GPBP1L1: variants seen among roughly 807,000 people sequenced by gnomAD.
GPBP1L1 encodes vasculin-like protein 1.
In GPBP1L1, 23 loss-of-function variants were observed where a neutral mutation model predicts 52.5. That is an observed-to-expected ratio of 0.44 (90% CI 0.32 to 0.62). The LOEUF is 0.62. Ranked by LOEUF, GPBP1L1 falls within the 20% of genes least tolerant of loss-of-function variation. The probability of loss-of-function intolerance (pLI) is 0.06; values close to 1 mark genes in which losing one functional copy is unlikely to be tolerated. For missense variants in GPBP1L1, 596 were observed against 579.3 expected, an observed-to-expected ratio of 1.03 and a Z score of -0.30; for synonymous variants, 243 against 203.1, an observed-to-expected ratio of 1.20 and a Z score of -1.67.
Position 45,634,140 on chromosome 1 carries a change from G to T in GPBP1L1, c.841C>A (p.Pro281Thr), listed in dbSNP as rs1222434571. 3 of 1,613,898 alleles carry T rather than the reference G, an allele frequency of 1.9e-6. No homozygotes were observed. Among genetic ancestry groups the T allele is most frequent in the Non-Finnish European group, 1.7e-6 (2 of 1,179,892 alleles). ...AFTSPISVTK[P>T]VVLASGAALS... Reference sequence around the variant, plus strand: ...GCTGCACCACTAGCCAGTACCACTGGTTTGGTAACAGAGATTGGACTGGTA... The same window carrying T: ...GCTGCACCACTAGCCAGTACCACTGTTTTGGTAACAGAGATTGGACTGGTA... The change falls in exon 9 of 13, where the codon CCA becomes ACA. Residue 281 changes from proline (P) to threonine (T), a missense_variant. Pro to Thr is a conservative substitution (Grantham distance 38, BLOSUM62 -1). Coordinates refer to ENST00000355105, the MANE Select transcript of GPBP1L1 (RefSeq NM_021639.5).
At chr1:45,649,075 G>A (rs2148458776) in intron 6 of GPBP1L1, among the ~76,000 whole-genome samples, 1 of 152,286 alleles carries the variant, frequency 6.6e-6, no homozygotes, top group Non-Finnish European at 1.5e-5. Context: ...GCGACCTGCT[G>A]CATGAGATCA....
intron 2 of GPBP1L1, among the ~76,000 whole-genome samples, chr1:45,682,195 A>C (rs1645219686): frequency 6.6e-6 from 1 of 152,234 alleles, no homozygotes; most frequent in Admixed American, 6.5e-5. Context: ...AAACAGCCCC[A>C]AAACCAACTT....
At chr1:45,645,128 T>C (rs1385406511) in intron 6 of GPBP1L1, among the ~76,000 whole-genome samples, 2 of 152,234 alleles carry the variant, frequency 1.3e-5, no homozygotes, top group Non-Finnish European at 2.9e-5. Flanking sequence ...TTTACTTCTT[T>C]GTTATCTAGT....
intron 12 of GPBP1L1, 146 bp downstream of exon 12, chr1:45,629,430 C>A: frequency 1.7e-6 from 1 of 579,338 alleles, no homozygotes; most frequent in Non-Finnish European, 3.1e-6. Flanking sequence ...ATTTAGGGGC[C>A]CCACTACATT....
intron 2 of GPBP1L1, among the ~76,000 whole-genome samples, chr1:45,682,713 C>T (rs1159977340): frequency 2.6e-5 from 4 of 152,148 alleles, no homozygotes; most frequent in Non-Finnish European, 5.9e-5. Context: ...ATAATAGGCT[C>T]TTTTAAATGT....
intron 7 of GPBP1L1, 132 bp from the exon 8 acceptor site, chr1:45,640,535 T>C (rs1197129659): frequency 1.4e-6 from 1 of 711,098 alleles, no homozygotes; most frequent in East Asian, 2.5e-5. Flanking sequence ...TTCCCTGGTA[T>C]GCACTTAATA....
intron 2 of GPBP1L1, among the ~76,000 whole-genome samples, chr1:45,661,797 T>C (rs188818827): frequency 7.6e-4 from 115 of 152,192 alleles, no homozygotes; most frequent in Non-Finnish European, 1.5e-3. Context: ...TCTCAACACT[T>C]TGAGAGGCCA....
At chr1:45,628,889 C>A (rs1644492639) in intron 12 of GPBP1L1, among the ~76,000 whole-genome samples, 1 of 152,168 alleles carries the variant, frequency 6.6e-6, no homozygotes, top group African/African-American at 2.4e-5. Flanking sequence ...CTCTTGAGCT[C>A]CTGACCTCGT....
chr1:45,672,968 T>C (rs993864382), intron 2 of GPBP1L1, among the ~76,000 whole-genome samples: 1 of 152,174 alleles, frequency 6.6e-6, no homozygotes, highest in East Asian at 1.9e-4. Context: ...ACAACTCTTT[T>C]GAGAAGTGTT....
Position 45,640,398 on chromosome 1 carries a change from G to T in GPBP1L1, c.556C>A (p.Pro186Thr), listed in dbSNP as rs1317996509. Residue 186 changes from proline to threonine, a missense_variant, in exon 8 of 13, where the codon CCG becomes ACG. By Grantham distance (38) the Pro-to-Thr change is conservative. Coordinates refer to ENST00000355105, the MANE Select transcript of GPBP1L1 (RefSeq NM_021639.5). ...IGTPSGVWENPPSAKQPSKML... is the reference protein window; with the variant it reads ...IGTPSGVWENTPSAKQPSKML... ...TTGGAGGGTTGCTTGGCACTAGGCG[G>T]GTTTTCTGTGAAGTACAAGAGTGGA... is the stretch of plus-strand genomic sequence containing the variant. 6.2e-7 allele frequency: 1 copy of T among 1,613,106 alleles called. No homozygotes were observed. Among genetic ancestry groups the T allele is most frequent in the African/African-American group, 1.3e-5 (1 of 74,900 alleles).
intron 2 of GPBP1L1, among the ~76,000 whole-genome samples, chr1:45,685,038 T>C (rs1487026608): frequency 6.6e-6 from 1 of 152,090 alleles, no homozygotes; most frequent in Non-Finnish European, 1.5e-5. Flanking sequence ...ATCTATGACT[T>C]TTTGTTTAAA....
In GPBP1L1 at chr1:45,674,423, CTT is replaced by C. The variant is rs139870858; in HGVS notation, c.-1098+11151_-1098+11152del. On this transcript the variant is annotated intron_variant, in intron 2 of 12. Transcript: ENST00000355105. ...GATAATATTCACAAAGGGCTGAAGT[CTT>C]TGTCAGAGAGCAGCAATGAGTGACA... Among the ~76,000 whole-genome samples, 947 of 152,308 alleles carry C rather than the reference CTT, an allele frequency of 6.2e-3. 7 individuals carry two copies. The highest frequency in any genetic ancestry group is 0.022 in the African/African-American group (914 of 41,558).
rs187739231 is a variant in GPBP1L1, at chr1:45,647,130, C to T, written c.478-4631G>A. ...GTTCTAGCCCCTTATTTTGAGTTTTCCCAGATGATTTTTTTTTTTAAACCA... is the reference window on the plus strand; with the variant it reads ...GTTCTAGCCCCTTATTTTGAGTTTTTCCAGATGATTTTTTTTTTTAAACCA... On this transcript the variant is annotated intron_variant, in intron 6 of 12. Transcript: ENST00000355105. Among the ~76,000 whole-genome samples the T allele has an allele frequency of 5.7e-3, 845 of 147,260 alleles. 6 individuals carry two copies. The highest frequency in any genetic ancestry group is 0.037 in the Middle Eastern group (10 of 268).
intron 4 of GPBP1L1, 155 bp from the exon 5 acceptor site, chr1:45,655,474 G>A (rs1180964942): frequency 9.6e-6 from 7 of 726,828 alleles, no homozygotes; most frequent in Admixed American, 2.7e-5. Context: ...ACCCACAGGT[G>A]CCTAATTTAG....
At chr1:45,629,025 C>CT (rs1328679498) in intron 12 of GPBP1L1, among the ~76,000 whole-genome samples, 3 of 152,180 alleles carry the variant, frequency 2.0e-5, no homozygotes, top group Non-Finnish European at 4.4e-5. Context: ...TGCCATGCCC[C>CT]TTTTAAGGAC....
chr1:45,680,547 C>CT (rs763445325), intron 2 of GPBP1L1, among the ~76,000 whole-genome samples: 148 of 149,102 alleles, frequency 9.9e-4, no homozygotes, highest in Admixed American at 5.8e-3. Context: ...CTGAGACATA[C>CT]TTTTTTTTTT....
intron 9 of GPBP1L1, 54 bp downstream of exon 9, chr1:45,634,042 G>A: frequency 8.5e-6 from 13 of 1,531,136 alleles, no homozygotes; most frequent in Non-Finnish European, 1.2e-5. Context: ...TGTTATCTAA[G>A]TGAACGGGAA....
At chr1:45,662,336 G>C (rs981252913) in intron 2 of GPBP1L1, among the ~76,000 whole-genome samples, 1 of 152,088 alleles carries the variant, frequency 6.6e-6, no homozygotes, top group Non-Finnish European at 1.5e-5. Context: ...GTAGACACAG[G>C]ATCTCACTGT....
chr1:45,678,986 T>C (rs1314134507), intron 2 of GPBP1L1, among the ~76,000 whole-genome samples: 1 of 152,210 alleles, frequency 6.6e-6, no homozygotes, highest in Non-Finnish European at 1.5e-5. Context: ...TCCTGTGTGA[T>C]GGGAATGCCA....
Sources: allele counts gnomAD v4.1 joint callset (sites outside exome capture counted in the v4.1 genomes callset), GRCh38; gene constraint gnomAD v4.1.1; transcripts MANE v1.5; gene names NCBI Gene and HGNC (gene_info 2026-07-23, HGNC 2026-07-21).